GPR39: variants seen among roughly 807,000 people sequenced by gnomAD.
GPR39 encodes zinc sensing receptor.
Under a neutral mutation model 18.4 loss-of-function variants are expected in GPR39, and 23 were observed. The ratio of observed to expected loss-of-function variants is 1.25; its 90% CI spans 0.90 to 1.77. The LOEUF is 1.77. GPR39 is among the 40% of genes most tolerant of loss of function. GPR39 has a pLI of 0.00. For missense variants in GPR39, 647 were observed against 602.4 expected, an observed-to-expected ratio of 1.07 and a Z score of -0.78; for synonymous variants, 280 against 257.9, an observed-to-expected ratio of 1.09 and a Z score of -0.82.
chr2:132,571,618 C>G (rs1240009217), intron 1 of GPR39, among the ~76,000 whole-genome samples: 1 of 152,086 alleles, frequency 6.6e-6, no homozygotes, highest in East Asian at 1.9e-4. Context: ...ACTGTAAACT[C>G]AAGCTGGGAA....
chr2:132,447,795 T>C (rs887409811), intron 1 of GPR39, among the ~76,000 whole-genome samples: 1 of 152,234 alleles, frequency 6.6e-6, no homozygotes, highest in Non-Finnish European at 1.5e-5. Context: ...TGGCTTGGCT[T>C]TTTGATAAAG....
At chr2:132,616,215 G>T in intron 1 of GPR39, among the ~76,000 whole-genome samples, 1 of 152,156 alleles carries the variant, frequency 6.6e-6, no homozygotes, top group East Asian at 1.9e-4. Flanking sequence ...CTGTGAGGTT[G>T]GTTGGTATCT....
At position 132,613,537 on chromosome 2, in the gene GPR39, C is replaced by T. The variant is rs535899943; in HGVS notation, c.857-31564C>T. ...TTAAGCACAGCCCTTAGGTCATTTACTTCAAATGCTTGTTTGCAACTTTGT... is the reference window on the plus strand; with the variant it reads ...TTAAGCACAGCCCTTAGGTCATTTATTTCAAATGCTTGTTTGCAACTTTGT... On this transcript the variant is annotated intron_variant, in intron 1 of 1. Transcript: ENST00000329321. 1.1e-3 allele frequency among the ~76,000 whole-genome samples: 167 copies of T among 152,330 alleles called. 1 individual carries two copies. The highest frequency in any genetic ancestry group is 4.0e-3 in the African/African-American group (166 of 41,570).
intron 1 of GPR39, among the ~76,000 whole-genome samples, chr2:132,529,324 C>T (rs565111528): frequency 2.0e-5 from 3 of 152,314 alleles, no homozygotes; most frequent in South Asian, 2.1e-4. Context: ...CCGCCATTGC[C>T]GAGGCTTGAG....
intron 1 of GPR39, among the ~76,000 whole-genome samples, chr2:132,471,237 A>ATG (rs1681025370): frequency 2.0e-5 from 3 of 152,120 alleles, no homozygotes; most frequent in Admixed American, 2.0e-4. Context: ...AGGAAATGAG[A>ATG]TGAGAATAGT....
intron 1 of GPR39, among the ~76,000 whole-genome samples, chr2:132,550,312 T>TC (rs1185210599): frequency 2.6e-5 from 4 of 152,110 alleles, no homozygotes; most frequent in Non-Finnish European, 5.9e-5. Flanking sequence ...GTTGGATCAG[T>TC]CCCCCCAGGG....
At chr2:132,503,493 T>C (rs896693130) in intron 1 of GPR39, among the ~76,000 whole-genome samples, 6 of 152,200 alleles carry the variant, frequency 3.9e-5, no homozygotes, top group Non-Finnish European at 8.8e-5. Context: ...TGAAGTGGAC[T>C]CTGTGTGAGT....
intron 1 of GPR39, among the ~76,000 whole-genome samples, chr2:132,538,843 T>A (rs143802193): frequency 8.4e-4 from 128 of 152,264 alleles, no homozygotes; most frequent in African/African-American, 3.0e-3. Flanking sequence ...TCCAAACCTC[T>A]CAATCTCCTT....
At chr2:132,513,749 C>T (rs937472535) in intron 1 of GPR39, among the ~76,000 whole-genome samples, 5 of 152,136 alleles carry the variant, frequency 3.3e-5, no homozygotes, top group Non-Finnish European at 7.4e-5. Context: ...GTCACTCTGG[C>T]CCCCCGAGTG....
At chr2:132,556,302 T>A (rs944427006) in intron 1 of GPR39, among the ~76,000 whole-genome samples, 1 of 152,182 alleles carries the variant, frequency 6.6e-6, no homozygotes, top group African/African-American at 2.4e-5. Context: ...AAACTGGCTC[T>A]CCTCCCAAAA....
At chr2:132,423,298 G>C (rs1477053669) in intron 1 of GPR39, among the ~76,000 whole-genome samples, 2 of 150,138 alleles carry the variant, frequency 1.3e-5, no homozygotes, top group African/African-American at 5.0e-5. Context: ...CTGCACATGT[G>C]TTCTCCTGGT....
intron 1 of GPR39, among the ~76,000 whole-genome samples, chr2:132,526,656 A>G (rs1679515119): frequency 6.6e-6 from 1 of 152,112 alleles, no homozygotes. Flanking sequence ...CATCCCCCGG[A>G]GCACCTGCAT....
intron 1 of GPR39, among the ~76,000 whole-genome samples, chr2:132,612,746 G>A (rs1681258465): frequency 6.6e-6 from 1 of 152,214 alleles, no homozygotes. Context: ...AATACGTCAT[G>A]ATAGCTGGTA....
intron 1 of GPR39, among the ~76,000 whole-genome samples, chr2:132,612,881 A>AG (rs1681260501): frequency 6.6e-6 from 1 of 152,234 alleles, no homozygotes; most frequent in Admixed American, 6.5e-5. Flanking sequence ...TTGATCTAAA[A>AG]TCTATCTAGG....
intron 1 of GPR39, among the ~76,000 whole-genome samples, chr2:132,611,199 C>T (rs1681233872): frequency 6.6e-6 from 1 of 152,218 alleles, no homozygotes; most frequent in African/African-American, 2.4e-5. Context: ...TTTGTCACTT[C>T]CAGTTTGCCT....
At chr2:132,535,317 G>C (rs534815888) in intron 1 of GPR39, among the ~76,000 whole-genome samples, 4 of 152,172 alleles carry the variant, frequency 2.6e-5, no homozygotes, top group Admixed American at 1.3e-4. Context: ...CATCTGTTGG[G>C]ATAATCATGT....
intron 1 of GPR39, among the ~76,000 whole-genome samples, chr2:132,510,483 G>A (rs1420421330): frequency 6.6e-6 from 1 of 152,098 alleles, no homozygotes; most frequent in Non-Finnish European, 1.5e-5. Context: ...AGTGTTGAAG[G>A]ACATACTGTT....
At chr2:132,477,040 T>C (rs1681143878) in intron 1 of GPR39, among the ~76,000 whole-genome samples, 1 of 152,250 alleles carries the variant, frequency 6.6e-6, no homozygotes, top group South Asian at 2.1e-4. Flanking sequence ...CTGCCTGCTC[T>C]TCTGCCTCTG....
intron 1 of GPR39, among the ~76,000 whole-genome samples, chr2:132,420,203 C>T (rs749976229): frequency 1.1e-4 from 17 of 152,154 alleles, no homozygotes; most frequent in Admixed American, 9.2e-4. Context: ...GCTCAATGTG[C>T]GATAATGTCC....
Sources: gnomAD v4.1 joint callset for allele counts (sites outside exome capture counted in the v4.1 genomes callset) on GRCh38, gnomAD v4.1.1 for gene constraint, MANE v1.5 for transcripts, NCBI Gene and HGNC (gene_info 2026-07-23, HGNC 2026-07-21) for gene names.